The following DLGAP2 variants were observed in gnomAD, a reference collection of about 807,000 sequenced individuals.
DLGAP2 encodes disks large-associated protein 2.
In DLGAP2, 26 loss-of-function variants were observed where a neutral mutation model predicts 100.3. The ratio of observed to expected loss-of-function variants is 0.26; its 90% confidence interval spans 0.19 to 0.36. The LOEUF (loss-of-function observed/expected upper bound fraction) is 0.36, where lower values mean the gene tolerates loss of function less well. Ranked by LOEUF, DLGAP2 falls within the 10% of genes least tolerant of loss-of-function variation. The probability of loss-of-function intolerance (pLI) is 1.00; values close to 1 mark genes in which losing one functional copy is unlikely to be tolerated. For missense variants in DLGAP2, 1,858 were observed against 1,453.2 expected (o/e 1.28, Z -4.53); for synonymous variants, 886 against 630.1 (o/e 1.41, Z -6.08).
At chr8:1,675,713 C>G (rs759958186) in intron 10 of DLGAP2, among the ~76,000 whole-genome samples, 1 of 152,062 alleles carries the variant, frequency 6.6e-6, no homozygotes, top group East Asian at 1.9e-4. Flanking sequence ...GCTCAAAAGT[C>G]CTTTTGATAC....
intron 6 of DLGAP2, among the ~76,000 whole-genome samples, chr8:1,594,990 T>G (rs1324926830): frequency 6.6e-6 from 1 of 152,088 alleles, no homozygotes; most frequent in Admixed American, 6.6e-5. Flanking sequence ...GCTTCCCATC[T>G]TGAATCCATA....
chr8:813,149 C>T (rs922911448), intron 1 of DLGAP2, among the ~76,000 whole-genome samples: 1 of 152,016 alleles, frequency 6.6e-6, no homozygotes, highest in Non-Finnish European at 1.5e-5. Context: ...CAAAATGCAA[C>T]ATAAAATTGC....
Position 1,626,007 on chromosome 8 carries a change from CCCATCTCTACCCT to C in DLGAP2, c.1443-732_1443-720del, listed in dbSNP as rs1563264949. On this transcript the variant is annotated intron_variant, in intron 6 of 14. Coordinates refer to ENST00000637795, the MANE Select transcript of DLGAP2 (RefSeq NM_001346810.2). ...TCTGGGTGTGGGTTGGACGGCTGTTCCCATCTCTACCCTGTGGCGGGTGCTCAGCCTCTGGGTG... is the reference window on the plus strand; with the variant it reads ...TCTGGGTGTGGGTTGGACGGCTGTTCGTGGCGGGTGCTCAGCCTCTGGGTG... Among the ~76,000 whole-genome samples the C allele has an allele frequency of 2.6e-3, 391 of 147,716 alleles. 51 individuals carry two copies. The highest frequency in any genetic ancestry group is 7.4e-3 in the Middle Eastern group (2 of 272).
chr8:987,565 G>A (rs13281687), intron 2 of DLGAP2, among the ~76,000 whole-genome samples: 57,966 of 151,968 alleles, frequency 0.38, 12,137 homozygotes, highest in Admixed American at 0.53. Context: ...TTTTGTGGTT[G>A]CCCTGGAAAC....
At chr8:1,505,342 A>G (rs1304107013) in intron 4 of DLGAP2, among the ~76,000 whole-genome samples, 1 of 152,236 alleles carries the variant, frequency 6.6e-6, no homozygotes, top group Non-Finnish European at 1.5e-5. Context: ...GTCATAAAGC[A>G]ATGAAGTGAC....
intron 3 of DLGAP2, among the ~76,000 whole-genome samples, chr8:1,367,936 T>C (rs1255499716): frequency 6.6e-6 from 1 of 152,252 alleles, no homozygotes; most frequent in Non-Finnish European, 1.5e-5. Flanking sequence ...CCGGATGATC[T>C]TTAGTGCCTG....
chr8:1,552,156 C>G (rs563609825), intron 5 of DLGAP2, among the ~76,000 whole-genome samples: 1 of 152,230 alleles, frequency 6.6e-6, no homozygotes, highest in Non-Finnish European at 1.5e-5. Context: ...CTCCCTCTCA[C>G]GTCCACTCAG....
chr8:1,406,968 C>T (rs1299960793), intron 3 of DLGAP2, among the ~76,000 whole-genome samples: 1 of 37,512 alleles, frequency 2.7e-5, no homozygotes, highest in Non-Finnish European at 4.6e-5. Flanking sequence ...CCTTGTCCTC[C>T]GGAGTCGTGT....
intron 2 of DLGAP2, among the ~76,000 whole-genome samples, chr8:916,629 A>G (rs1420903752): frequency 6.6e-6 from 1 of 152,234 alleles, no homozygotes. Flanking sequence ...CACGTTGTGC[A>G]CATGTACCCT....
chr8:1,038,092 G>A (rs1468000070), intron 2 of DLGAP2, among the ~76,000 whole-genome samples: 1 of 152,242 alleles, frequency 6.6e-6, no homozygotes, highest in Non-Finnish European at 1.5e-5. Flanking sequence ...TAGGTAGGCT[G>A]TGTGTGTTAA....
At chr8:1,235,192 C>T (rs1260707314) in intron 2 of DLGAP2, among the ~76,000 whole-genome samples, 1 of 128,552 alleles carries the variant, frequency 7.8e-6, no homozygotes, top group African/African-American at 2.9e-5. Flanking sequence ...CTGCTTCCCT[C>T]ACACATGGCG....
Position 1,289,328 on chromosome 8 carries a change from A to G in DLGAP2, c.106+30445A>G, listed in dbSNP as rs114719823. ...AATTGGAGGAAATGAAAATTATTAC[A>G]TGTAGAAGACACATTTAACAAGTCC... is the stretch of plus-strand genomic sequence containing the variant. On this transcript the variant is annotated intron_variant, in intron 3 of 14. Transcript: ENST00000637795. 1.8e-3 allele frequency among the ~76,000 whole-genome samples: 281 copies of G among 152,348 alleles called. 2 individuals carry two copies. The highest frequency in any genetic ancestry group is 6.8e-3 in the Middle Eastern group (2 of 294).
chr8:833,390 C>T (rs1796816118), intron 1 of DLGAP2, among the ~76,000 whole-genome samples: 1 of 152,214 alleles, frequency 6.6e-6, no homozygotes, highest in African/African-American at 2.4e-5. Context: ...ATCCGGGTGT[C>T]AGCCAGGCCA....
At chr8:1,698,875 C>T (rs962287430) in intron 14 of DLGAP2, among the ~76,000 whole-genome samples, 1 of 139,220 alleles carries the variant, frequency 7.2e-6, no homozygotes, top group Non-Finnish European at 1.5e-5. Flanking sequence ...GGCAGGTCTG[C>T]GTAAGCCATG....
At chr8:1,623,468 G>C (rs1010905461) in intron 6 of DLGAP2, among the ~76,000 whole-genome samples, 12 of 151,888 alleles carry the variant, frequency 7.9e-5, no homozygotes, top group Non-Finnish European at 1.5e-4. Flanking sequence ...AGCGCGCAAT[G>C]ACCTGACACC....
intron 3 of DLGAP2, among the ~76,000 whole-genome samples, chr8:1,499,723 T>A (rs7002098): frequency 0.7 from 106,571 of 152,038 alleles, 37,797 homozygotes; most frequent in African/African-American, 0.78. Context: ...TGTGTTTTTT[T>A]AAAAGCTGTA....
In DLGAP2 at chr8:1,254,666, T is replaced by C. The variant is rs538922340; in HGVS notation, c.74-4185T>C. On this transcript the variant is annotated intron_variant, in intron 2 of 14. Coordinates refer to ENST00000637795, the MANE Select transcript of DLGAP2 (RefSeq NM_001346810.2). ...TAAAGCAGTTTTTTGTCTGTATGAC[T>C]CAGTGGTGTCTTTCCCAGGAACCTC... Among the ~76,000 whole-genome samples the C allele has an allele frequency of 5.3e-5, 8 of 151,240 alleles. No individual in the cohort carries two copies. In the South Asian group the frequency reaches 8.3e-4, roughly 16 times the overall value.
chr8:867,410 A>G (rs936707184), intron 1 of DLGAP2, among the ~76,000 whole-genome samples: 2 of 152,238 alleles, frequency 1.3e-5, no homozygotes, highest in African/African-American at 4.8e-5. Context: ...TGGTTGGAGG[A>G]GGAGACAGAA....
At chr8:1,616,099 C>A (rs1797144839) in intron 6 of DLGAP2, among the ~76,000 whole-genome samples, 1 of 151,960 alleles carries the variant, frequency 6.6e-6, no homozygotes, top group Non-Finnish European at 1.5e-5. Context: ...CAGAAAACCA[C>A]AATATCTGAA....
Sources: gnomAD v4.1 joint callset for allele counts (sites outside exome capture counted in the v4.1 genomes callset) on GRCh38, gnomAD v4.1.1 for gene constraint, MANE v1.5 for transcripts, NCBI Gene and HGNC (gene_info 2026-07-23, HGNC 2026-07-21) for gene names.